NOS1AP: variants seen among roughly 807,000 people sequenced by gnomAD.
NOS1AP encodes nitric oxide synthase 1 adaptor protein, also known as carboxyl-terminal PDZ ligand of neuronal nitric oxide synthase protein.
A neutral mutation model predicts 56.2 loss-of-function variants in NOS1AP; 21 were observed. The ratio of observed to expected loss-of-function variants is 0.37; its 90% CI spans 0.26 to 0.54. NOS1AP has a LOEUF of 0.54. Ranked by LOEUF, NOS1AP falls within the 20% of genes least tolerant of loss-of-function variation. NOS1AP has a pLI of 0.84. For missense variants in NOS1AP, 522 were observed against 657.8 expected (o/e 0.79, Z 2.26); for synonymous variants, 270 against 274.6 (o/e 0.98, Z 0.17).
chr1:162,108,199 A>C (rs968431041), intron 1 of NOS1AP, among the ~76,000 whole-genome samples: 2 of 152,168 alleles, frequency 1.3e-5, no homozygotes, highest in African/African-American at 4.8e-5. Context: ...TTGGAGCAGG[A>C]GATATACAAG....
intron 4 of NOS1AP, among the ~76,000 whole-genome samples, chr1:162,313,500 G>A (rs937845550): frequency 1.3e-5 from 2 of 152,050 alleles, no homozygotes; most frequent in Non-Finnish European, 2.9e-5. Flanking sequence ...ATCTATACTT[G>A]CAGTCTTCCC....
chr1:162,308,132 A>C (rs2661811), intron 4 of NOS1AP, among the ~76,000 whole-genome samples: 63,234 of 152,166 alleles, frequency 0.42, 14,031 homozygotes, highest in East Asian at 0.6. Flanking sequence ...AGGCAGCACA[A>C]ATTTGGAAAG....
chr1:162,264,987 G>A (rs756418405), intron 2 of NOS1AP, among the ~76,000 whole-genome samples: 1 of 151,848 alleles, frequency 6.6e-6, no homozygotes, highest in Non-Finnish European at 1.5e-5. Context: ...GCTACTTTTT[G>A]TATTTTTAGT....
intron 2 of NOS1AP, among the ~76,000 whole-genome samples, chr1:162,242,587 T>G (rs1163714361): frequency 6.6e-6 from 1 of 152,186 alleles, no homozygotes; most frequent in Non-Finnish European, 1.5e-5. Context: ...GCCAACATCT[T>G]ACTGTAACTG....
intron 4 of NOS1AP, among the ~76,000 whole-genome samples, chr1:162,315,360 A>G (rs374927787): frequency 1.4e-4 from 22 of 152,184 alleles, no homozygotes; most frequent in African/African-American, 5.3e-4. Flanking sequence ...ATTTTGCACT[A>G]AACACCTGTC....
intron 1 of NOS1AP, among the ~76,000 whole-genome samples, chr1:162,113,653 A>G (rs568866324): frequency 2.0e-5 from 3 of 152,132 alleles, no homozygotes; most frequent in African/African-American, 7.2e-5. Flanking sequence ...GGGGTGCCAC[A>G]CACTTTTAAA....
chr1:162,315,537 G>T (rs745963297), intron 4 of NOS1AP, among the ~76,000 whole-genome samples: 7 of 152,174 alleles, frequency 4.6e-5, no homozygotes, highest in Non-Finnish European at 7.3e-5. Context: ...CCTCAAACTG[G>T]AGAGGTGAGG....
At chr1:162,150,089 A>C (rs1403732878) in intron 1 of NOS1AP, among the ~76,000 whole-genome samples, 1 of 152,078 alleles carries the variant, frequency 6.6e-6, no homozygotes, top group East Asian at 1.9e-4. Context: ...ATTTTACCTA[A>C]TTATATTTTT....
intron 2 of NOS1AP, among the ~76,000 whole-genome samples, chr1:162,266,645 T>C (rs2101713496): frequency 6.6e-6 from 1 of 152,346 alleles, no homozygotes; most frequent in South Asian, 2.1e-4. Context: ...TGGTTCCTTT[T>C]GGTGTTATTG....
At chr1:162,080,628 C>T (rs76996925) in intron 1 of NOS1AP, among the ~76,000 whole-genome samples, 5,584 of 152,264 alleles carry the variant, frequency 0.037, 179 homozygotes, top group East Asian at 0.18. Flanking sequence ...ATGAGAAGTG[C>T]TGTTTGCATG....
In NOS1AP at chr1:162,081,774, A is replaced by ATATATATATATAT; in HGVS notation, c.105+11493_105+11494insATATATATATATT. 1.9e-3 allele frequency among the ~76,000 whole-genome samples: 83 copies of ATATATATATATAT among 44,058 alleles called. 2 individuals carry two copies. The highest frequency in any genetic ancestry group is 5.7e-3 in the African/African-American group (75 of 13,086). 28.9% of individuals were successfully genotyped at this position (44,058 alleles called of 152,430 possible). A position where few individuals can be genotyped will look rare whatever the true frequency, so the allele number is the denominator to read the frequency against. On this transcript the variant is annotated intron_variant, in intron 1 of 9. Transcript: ENST00000361897. The stretch of plus-strand genomic sequence containing the variant: ...TCTATAGATATATATATATATATAT[A>ATATATATATATAT]TTTTTTTTTTGTAGAGATGGGTTTT...
intron 1 of NOS1AP, among the ~76,000 whole-genome samples, chr1:162,097,179 A>G (rs563075011): frequency 1.3e-5 from 2 of 149,792 alleles, no homozygotes; most frequent in Admixed American, 1.3e-4. Context: ...ATCAGTTTCT[A>G]TGTGTATTGG....
chr1:162,169,780 C>T (rs946404921), intron 2 of NOS1AP, among the ~76,000 whole-genome samples: 13 of 152,278 alleles, frequency 8.5e-5, no homozygotes, highest in Non-Finnish European at 1.6e-4. Flanking sequence ...TCTCAGCGGG[C>T]GGTCAGGGGC....
chr1:162,350,970 G>T (rs1657471036), intron 6 of NOS1AP, among the ~76,000 whole-genome samples: 1 of 152,176 alleles, frequency 6.6e-6, no homozygotes, highest in South Asian at 2.1e-4. Flanking sequence ...TTCCACTCTT[G>T]ATACCTTTGC....
chr1:162,332,762 G>A (rs796908230), intron 4 of NOS1AP, among the ~76,000 whole-genome samples: 4 of 152,152 alleles, frequency 2.6e-5, no homozygotes. Context: ...CTCAGGAGAT[G>A]GTTAACAATA....
chr1:162,143,692 G>A (rs1328707467), intron 1 of NOS1AP, among the ~76,000 whole-genome samples: 1 of 151,960 alleles, frequency 6.6e-6, no homozygotes, highest in African/African-American at 2.4e-5. Context: ...GTACTCTTGG[G>A]CTCAAGTGAT....
intron 2 of NOS1AP, among the ~76,000 whole-genome samples, chr1:162,213,073 T>C (rs146133612): frequency 1.3e-5 from 2 of 152,170 alleles, no homozygotes; most frequent in Non-Finnish European, 2.9e-5. Flanking sequence ...AGGGTGTCTC[T>C]AGGGGATCAG....
intron 2 of NOS1AP, among the ~76,000 whole-genome samples, chr1:162,224,774 C>T (rs967224582): frequency 1.3e-5 from 2 of 152,036 alleles, no homozygotes; most frequent in Admixed American, 6.6e-5. Flanking sequence ...TCTTTGTTCC[C>T]AGGAGAATTG....
At chr1:162,216,080 G>A (rs1353328089) in intron 2 of NOS1AP, among the ~76,000 whole-genome samples, 1 of 151,780 alleles carries the variant, frequency 6.6e-6, no homozygotes, top group South Asian at 2.1e-4. Flanking sequence ...CCAACTGCAA[G>A]CTGCTTCCTT....
Sources: allele counts gnomAD v4.1 joint callset (sites outside exome capture counted in the v4.1 genomes callset), GRCh38; gene constraint gnomAD v4.1.1; transcripts MANE v1.5; gene names NCBI Gene and HGNC (gene_info 2026-07-23, HGNC 2026-07-21).